The following PROSER2 variants were observed in gnomAD, a reference collection of about 807,000 sequenced individuals.
PROSER2 encodes proline and serine rich 2, also known as proline and serine-rich protein 2.
PROSER2 carries 18 observed loss-of-function variants against 14.6 expected under a neutral mutation model. The observed-to-expected ratio is 1.23, with a 90% CI of 0.85 to 1.83. The LOEUF is 1.83. PROSER2 is among the 40% of genes most tolerant of loss of function. The pLI, the probability that PROSER2 is intolerant of heterozygous loss-of-function variation, is 0.00. For synonymous variants in PROSER2, 367 were observed against 286.4 expected (o/e 1.28, Z -2.84); for missense variants, 823 against 629.8 (o/e 1.31, Z -3.28).
intron 1 of PROSER2, among the ~76,000 whole-genome samples, chr10:11,824,374 C>G (rs987724615): frequency 2.4e-4 from 37 of 152,192 alleles, no homozygotes; most frequent in Admixed American, 1.3e-4. Flanking sequence ...AAGACCAAAC[C>G]AGGCGTACGT....
At position 11,870,945 on chromosome 10, in the gene PROSER2, T is replaced by C. The variant is rs1834477012; in HGVS notation, c.*539T>C. 6.5e-6 allele frequency: 1 copy of C among 154,504 alleles called. No homozygotes were observed. Among genetic ancestry groups the C allele is most frequent in the African/African-American group, 2.4e-5 (1 of 41,474 alleles). 9.6% of individuals were successfully genotyped at this position (154,504 alleles called of 1,614,324 possible). A position where few individuals can be genotyped will look rare whatever the true frequency, so the allele number is the denominator to read the frequency against. ...CATCATGGTACTTTGCTTTTGTTTC[T>C]TGACGTACTTTAGTTTGCCCAGTTT... On this transcript the variant is annotated 3_prime_UTR_variant, in exon 4 of 4. Transcript: ENST00000277570.
intron 1 of PROSER2, chr10:11,831,811 C>T (rs1252204832): frequency 6.6e-6 from 1 of 152,106 alleles, no homozygotes; most frequent in Non-Finnish European, 1.5e-5. Context: ...TGTTAAAACC[C>T]AGCCTCTCTA....
intron 1 of PROSER2, among the ~76,000 whole-genome samples, chr10:11,828,660 G>A (rs1338517153): frequency 2.0e-5 from 3 of 152,072 alleles, no homozygotes; most frequent in Non-Finnish European, 2.9e-5. Flanking sequence ...CCGAGATCAC[G>A]CCACTACACT....
intron 1 of PROSER2, chr10:11,831,971 T>C (rs1833695311): frequency 6.6e-6 from 1 of 152,148 alleles, no homozygotes; most frequent in African/African-American, 2.4e-5. Context: ...CTCGTTTTTG[T>C]ATATTGTTCA....
At chr10:11,860,653 AAAT>A (rs1834218505) in intron 2 of PROSER2, among the ~76,000 whole-genome samples, 2 of 152,044 alleles carry the variant, frequency 1.3e-5, no homozygotes, top group East Asian at 1.9e-4. Flanking sequence ...CATTTTATAC[AAAT>A]AATAAGAAGA....
Position 11,824,419 on chromosome 10 carries a change from T to G in PROSER2, c.-82+949T>G, listed in dbSNP as rs143672295. Among the ~76,000 whole-genome samples the G allele has an allele frequency of 6.1e-3, 934 of 152,350 alleles. 13 individuals carry two copies. Among genetic ancestry groups the G allele is most frequent in the African/African-American group, 0.021 (857 of 41,578 alleles). ...AGGGAAATACTCATAGGAGAAAACT[T>G]TATTAAAAATACTTTTTACATTATT... On this transcript the variant is annotated intron_variant, in intron 1 of 3. Transcript: ENST00000277570.
At chr10:11,849,802 T>C (rs774839216) in intron 1 of PROSER2, 6 of 152,332 alleles carry the variant, frequency 3.9e-5, no homozygotes, top group Non-Finnish European at 7.3e-5. Context: ...CCAAAGCTCA[T>C]GTGTTGGACA....
intron 1 of PROSER2, among the ~76,000 whole-genome samples, chr10:11,845,109 A>T (rs1833904628): frequency 6.6e-6 from 1 of 152,116 alleles, no homozygotes; most frequent in Admixed American, 6.6e-5. Flanking sequence ...AATGGAAAAA[A>T]ACCTGATTAC....
chr10:11,869,264 C>A lies in PROSER2; in HGVS notation c.392-226C>A, dbSNP rs1834414296. 2 of 589,958 alleles carry A rather than the reference C, an allele frequency of 3.4e-6. No homozygotes were observed. The highest frequency in any genetic ancestry group is 3.0e-6 in the Non-Finnish European group (1 of 330,512). 36.5% of individuals were successfully genotyped at this position (589,958 alleles called of 1,614,324 possible). On this transcript the variant is annotated intron_variant, in intron 3 of 3. Coordinates refer to ENST00000277570, the MANE Select transcript of PROSER2 (RefSeq NM_153256.4). The surrounding 1 kb of genome is among the most constrained non-coding windows in gnomAD (Gnocchi z 4.4). ...TCCTAGGTGTGGACTGTCTGACTTG[C>A]AGGGCTATCGTGATTGTCCCTTATC...
Position 11,836,982 on chromosome 10 carries a change from T to C in PROSER2, c.-82+13512T>C, listed in dbSNP as rs1466756647. Among the ~76,000 whole-genome samples, 1 of 152,236 alleles carries C rather than the reference T, an allele frequency of 6.6e-6. No individual in the cohort carries two copies. Among genetic ancestry groups the C allele is most frequent in the African/African-American group, 2.4e-5 (1 of 41,466 alleles). On this transcript the variant is annotated intron_variant, in intron 1 of 3. Coordinates refer to ENST00000277570, the MANE Select transcript of PROSER2 (RefSeq NM_153256.4). This position sits in a 1 kb window ranked among gnomAD's most constrained non-coding sequence, Gnocchi z 4.6. ...TGCGTCGTTCTGATCCATTGCCTCC[T>C]GCATGCGAATCCTCCTTTGCCCGGA...
In PROSER2 at chr10:11,851,986, G is replaced by T. The variant is rs111412519; in HGVS notation, c.-81-11G>T. On this transcript the variant is annotated splice_polypyrimidine_tract_variant and intron_variant, in intron 1 of 3. Transcript: ENST00000277570. Reference sequence around the variant, plus strand: ...TTACTGACCATTGTCATTCGTGTTTGGTGTCTCTAGGAGTGAGCTGTTGCC... The same window carrying T: ...TTACTGACCATTGTCATTCGTGTTTTGTGTCTCTAGGAGTGAGCTGTTGCC... 1.8e-4 allele frequency: 243 copies of T among 1,321,796 alleles called. No individual in the cohort carries two copies. The African/African-American group carries it at 3.3e-3, about 18-fold the overall frequency. The allele number at this position is 1,321,796 out of a possible 1,614,324, so 81.9% of individuals were successfully genotyped here. A position where few individuals can be genotyped will look rare whatever the true frequency, so the allele number is the denominator to read the frequency against.
At position 11,870,230 on chromosome 10, in the gene PROSER2, C is replaced by T. The variant is rs541938628; in HGVS notation, c.1132C>T (p.Arg378Trp). 82 of 1,489,592 alleles carry T rather than the reference C, an allele frequency of 5.5e-5. No individual in the cohort carries two copies. Among genetic ancestry groups the T allele is most frequent in the South Asian group, 4.4e-4 (35 of 80,070 alleles). The allele number at this position is 1,489,592 out of a possible 1,614,324, so 92.3% of individuals were successfully genotyped here. Residue 378 changes from arginine (R) to tryptophan (W), a missense_variant, in exon 4 of 4, where the codon CGG becomes TGG. Transcript: ENST00000277570. ...FRPGPALPST[R>W]ARQSFPGPRQ... is the part of the protein sequence containing the mutation. ...CCCTGGCCCGGCCCTGCCCAGCACG[C>T]GGGCCCGTCAGAGCTTCCCCGGGCC...
intron 1 of PROSER2, among the ~76,000 whole-genome samples, chr10:11,828,146 ACTT>A (rs1440188560): frequency 1.3e-5 from 2 of 152,132 alleles, no homozygotes; most frequent in African/African-American, 4.8e-5. Context: ...CCCTTCTGGA[ACTT>A]GGTTTCCTGG....
intron 1 of PROSER2, among the ~76,000 whole-genome samples, chr10:11,824,014 G>T (rs555001649): frequency 6.6e-6 from 1 of 152,344 alleles, no homozygotes; most frequent in South Asian, 2.1e-4. Context: ...GAGAAAATGT[G>T]GCCCGTGTGA....
intron 2 of PROSER2, among the ~76,000 whole-genome samples, chr10:11,854,970 C>T (rs1489129371): frequency 2.0e-5 from 3 of 151,714 alleles, no homozygotes; most frequent in African/African-American, 7.3e-5. Context: ...TTCAATTAAG[C>T]AGTGTCCTTT....
At chr10:11,833,400 AG>A (rs1833714999) in intron 1 of PROSER2, among the ~76,000 whole-genome samples, 1 of 151,614 alleles carries the variant, frequency 6.6e-6, no homozygotes, top group South Asian at 2.1e-4. Context: ...TTAATTAAAA[AG>A]CTTTGCCGGC....
At position 11,825,456 on chromosome 10, in the gene PROSER2, G is replaced by A. The variant is rs571881508; in HGVS notation, c.-82+1986G>A. On this transcript the variant is annotated intron_variant, in intron 1 of 3. Coordinates refer to ENST00000277570, the MANE Select transcript of PROSER2 (RefSeq NM_153256.4). ...AGGTGCCTCTGTGCTCTAAGAAGAG[G>A]GCCTTGCAACTCCGCCCCTGATTGA... is the stretch of plus-strand genomic sequence containing the variant. Among the ~76,000 whole-genome samples the A allele has an allele frequency of 2.2e-4, 34 of 152,202 alleles. 1 individual carries two copies. Among genetic ancestry groups the A allele is most frequent in the African/African-American group, 7.2e-4 (30 of 41,516 alleles).
In PROSER2 at chr10:11,870,347, T is replaced by G. The variant is rs1204456623; in HGVS notation, c.1249T>G (p.Ser417Ala). The G allele has an allele frequency of 2.9e-5, 44 of 1,509,318 alleles. No homozygotes were observed. The highest frequency in any genetic ancestry group is 3.7e-5 in the Non-Finnish European group (42 of 1,131,292). The allele number at this position is 1,509,318 out of a possible 1,614,324, so 93.5% of individuals were successfully genotyped here. ...ITVQFAGRGS[S>A]EEARREALRK... ...CGTGCAGTTCGCGGGCCGCGGCTCC[T>G]CGGAGGAGGCGCGCAGGGAGGCCCT... Residue 417 changes from serine to alanine, a missense_variant, in exon 4 of 4, where the codon TCG becomes GCG. Transcript: ENST00000277570.
chr10:11,870,246 T>C lies in PROSER2; in HGVS notation c.1148T>C (p.Phe383Ser). The change falls in exon 4 of 4, where the codon TTC (phenylalanine) becomes TCC (serine). Residue 383 changes from phenylalanine (F) to serine (S), a missense_variant. By Grantham distance (155) the Phe-to-Ser change is radical. Transcript: ENST00000277570. ...ALPSTRARQSFPGPRQPNGAQ... is the reference protein window; with the variant it reads ...ALPSTRARQSSPGPRQPNGAQ... Reference sequence around the variant, plus strand: ...CCCAGCACGCGGGCCCGTCAGAGCTTCCCCGGGCCCCGGCAGCCCAACGGC... The same window carrying C: ...CCCAGCACGCGGGCCCGTCAGAGCTCCCCCGGGCCCCGGCAGCCCAACGGC... The C allele has an allele frequency of 6.7e-7, 1 of 1,487,732 alleles. No homozygotes were observed. Among genetic ancestry groups the C allele is most frequent in the Admixed American group, 2.3e-5 (1 of 44,130 alleles). 92.2% of individuals were successfully genotyped at this position (1,487,732 alleles called of 1,614,324 possible).
Sources: gnomAD v4.1 joint callset for allele counts (sites outside exome capture counted in the v4.1 genomes callset) on GRCh38, gnomAD v4.1.1 for gene constraint, Gnocchi (gnomAD v3.1) non-coding constraint, MANE v1.5 for transcripts, NCBI Gene and HGNC (gene_info 2026-07-23, HGNC 2026-07-21) for gene names.